Variants in NRG1 observed in about 807,000 individuals in gnomAD.
The protein encoded by NRG1 is pro-neuregulin-1, membrane-bound isoform.
In NRG1, 18 loss-of-function variants were observed where a neutral mutation model predicts 63.8. The observed-to-expected ratio is 0.28, with a 90% CI of 0.19 to 0.42. The LOEUF (loss-of-function observed/expected upper bound fraction) is 0.42. NRG1 is among the 10% of genes least tolerant of loss of function. NRG1 has a pLI of 1.00. For missense variants in NRG1, 762 were observed against 814.7 expected, an observed-to-expected ratio of 0.94 and a Z score of 0.79; for synonymous variants, 302 against 301.3, an observed-to-expected ratio of 1.00 and a Z score of -0.02.
chr8:32,023,602 C>G (rs1816787175), intron 1 of NRG1, among the ~76,000 whole-genome samples: 1 of 152,106 alleles, frequency 6.6e-6, no homozygotes, highest in Non-Finnish European at 1.5e-5. Flanking sequence ...AGAAGCAGCT[C>G]CAGTCCTTCC....
intron 1 of NRG1, among the ~76,000 whole-genome samples, chr8:31,699,014 C>T (rs1437982219): frequency 6.6e-6 from 1 of 152,088 alleles, no homozygotes; most frequent in Non-Finnish European, 1.5e-5. Context: ...TGGTTAGGAC[C>T]CACTGACTTC....
intron 1 of NRG1, among the ~76,000 whole-genome samples, chr8:32,320,022 G>T (rs892153167): frequency 2.0e-5 from 3 of 152,086 alleles, no homozygotes; most frequent in Non-Finnish European, 2.9e-5. Context: ...TTGAACCCAG[G>T]ATAACCTGGT....
At chr8:32,270,286 G>C (rs1005517829) in intron 1 of NRG1, among the ~76,000 whole-genome samples, 1 of 152,198 alleles carries the variant, frequency 6.6e-6, no homozygotes, top group African/African-American at 2.4e-5. Flanking sequence ...AGCCGTCAAG[G>C]AGGGATCAGA....
intron 1 of NRG1, among the ~76,000 whole-genome samples, chr8:31,849,111 G>T (rs1826967238): frequency 6.6e-6 from 1 of 152,184 alleles, no homozygotes; most frequent in South Asian, 2.1e-4. Flanking sequence ...GAGGGAACCA[G>T]TGATAATCTA....
At chr8:32,334,211 A>G (rs16879147) in intron 1 of NRG1, among the ~76,000 whole-genome samples, 11 of 152,184 alleles carry the variant, frequency 7.2e-5, no homozygotes, top group Non-Finnish European at 1.6e-4. Flanking sequence ...AGTGTCCAGC[A>G]TGGAGAAAGT....
At chr8:32,323,743 A>G (rs1159431539) in intron 1 of NRG1, among the ~76,000 whole-genome samples, 2 of 152,198 alleles carry the variant, frequency 1.3e-5, no homozygotes, top group African/African-American at 4.8e-5. Flanking sequence ...GTTTATCTAT[A>G]AAAGGATTCA....
At position 31,773,574 on chromosome 8, in the gene NRG1, A is replaced by G. The variant is rs188785469; in HGVS notation, c.37+134143A>G. Reference sequence around the variant, plus strand: ...TGCTCCTCCATAGTCGGTGCTCCACACAACAGCCAGAGGGATCTTTTAAAA... The same window carrying G: ...TGCTCCTCCATAGTCGGTGCTCCACGCAACAGCCAGAGGGATCTTTTAAAA... On this transcript the variant is annotated intron_variant, in intron 1 of 10. Transcript: ENST00000519301. Among the ~76,000 whole-genome samples, 17 of 152,344 alleles carry G rather than the reference A, an allele frequency of 1.1e-4. 1 individual carries two copies. The highest frequency in any genetic ancestry group is 1.0e-3 in the Admixed American group (16 of 15,300).
intron 1 of NRG1, among the ~76,000 whole-genome samples, chr8:32,444,840 G>A (rs1394321607): frequency 6.6e-6 from 1 of 152,168 alleles, no homozygotes; most frequent in Non-Finnish European, 1.5e-5. Context: ...TTTGAGCCTT[G>A]CCCATCTTAC....
intron 1 of NRG1, among the ~76,000 whole-genome samples, chr8:31,900,944 G>T (rs1832025382): frequency 6.6e-6 from 1 of 152,128 alleles, no homozygotes; most frequent in South Asian, 2.1e-4. Flanking sequence ...CCAGTAAATG[G>T]TTTTGGGAGA....
intron 1 of NRG1, among the ~76,000 whole-genome samples, chr8:32,186,471 A>AAAAAAGAAAAAAGAAAG (rs1482939320): frequency 2.6e-5 from 4 of 151,874 alleles, no homozygotes; most frequent in Non-Finnish European, 5.9e-5. Context: ...AAAAAAAAAA[A>AAAAAAGAAAAAAGAAAG]AAAAAGAAAA....
chr8:32,625,781 TTTTTTTC>T (rs765077958), intron 5 of NRG1, among the ~76,000 whole-genome samples: 5,086 of 144,876 alleles, frequency 0.035, 94 homozygotes, highest in Middle Eastern at 0.059. Flanking sequence ...TCTCTTTTTT[TTTTTTTC>T]TTTTTTCTTT....
chr8:31,861,011 T>G (rs1459647602), intron 1 of NRG1, among the ~76,000 whole-genome samples: 2 of 152,186 alleles, frequency 1.3e-5, no homozygotes, highest in Non-Finnish European at 2.9e-5. Flanking sequence ...ATCAGTTGAA[T>G]TTTCTCTGAT....
intron 1 of NRG1, among the ~76,000 whole-genome samples, chr8:31,848,576 G>A (rs543275384): frequency 1.3e-5 from 2 of 152,304 alleles, no homozygotes; most frequent in South Asian, 2.1e-4. Flanking sequence ...CTGCAGGTGA[G>A]TGAGCAAAGC....
rs1340344272 is a variant in NRG1, at chr8:32,330,146, GCCTT to G, written c.38-265681_38-265678del. ...ACTCCTGGCCCTAAGTGATCCTCCTGCCTTACCTGGGATTACAGGCATGCACCTT... is the reference window on the plus strand; with the variant it reads ...ACTCCTGGCCCTAAGTGATCCTCCTGACCTGGGATTACAGGCATGCACCTT... On this transcript the variant is annotated intron_variant, in intron 1 of 10. Transcript: ENST00000519301. 2.1e-5 allele frequency among the ~76,000 whole-genome samples: 3 copies of G among 146,192 alleles called. No homozygotes were observed. In the Admixed American group the frequency reaches 2.1e-4, roughly 10 times the overall value.
chr8:32,071,110 T>C (rs1292439537), intron 1 of NRG1, among the ~76,000 whole-genome samples: 1 of 152,172 alleles, frequency 6.6e-6, no homozygotes, highest in Non-Finnish European at 1.5e-5. Context: ...CATCATTCTC[T>C]CAGCCTCCAC....
chr8:32,443,523 A>G (rs1002491661), intron 1 of NRG1, among the ~76,000 whole-genome samples: 8 of 152,200 alleles, frequency 5.3e-5, no homozygotes, highest in South Asian at 4.1e-4. Flanking sequence ...ATGCTAGGAC[A>G]AGTGGCAGCT....
At chr8:32,407,951 G>C (rs1175709719) in intron 1 of NRG1, among the ~76,000 whole-genome samples, 1 of 152,126 alleles carries the variant, frequency 6.6e-6, no homozygotes, top group African/African-American at 2.4e-5. Context: ...AAGTCACCAA[G>C]TTCAAATCCT....
chr8:32,679,072 G>T (rs72634879), intron 5 of NRG1, among the ~76,000 whole-genome samples: 5 of 151,896 alleles, frequency 3.3e-5, no homozygotes, highest in African/African-American at 1.2e-4. Context: ...TGGGAGGATC[G>T]CTTGAGTCCA....
intron 1 of NRG1, among the ~76,000 whole-genome samples, chr8:32,299,464 G>C (rs576813954): frequency 6.6e-6 from 1 of 152,104 alleles, no homozygotes; most frequent in Non-Finnish European, 1.5e-5. Context: ...CTCTTATAAA[G>C]CACCTCATTT....
Sources: gnomAD v4.1 joint callset for allele counts (sites outside exome capture counted in the v4.1 genomes callset) on GRCh38, gnomAD v4.1.1 for gene constraint, MANE v1.5 for transcripts, NCBI Gene and HGNC (gene_info 2026-07-23, HGNC 2026-07-21) for gene names.